Variants in LTBP1 observed in about 807,000 individuals in gnomAD.
LTBP1 encodes latent-transforming growth factor beta-binding protein 1.
Under a neutral mutation model 207.6 loss-of-function variants are expected in LTBP1, and 129 were observed. The observed-to-expected ratio is 0.62, with a 90% CI of 0.54 to 0.72. LTBP1 has a LOEUF of 0.72. LTBP1 is among the 30% of genes least tolerant of loss of function. The pLI, the probability that LTBP1 is intolerant of heterozygous loss-of-function variation, is 0.00. For missense variants in LTBP1, 2,281 were observed against 2,217.2 expected (o/e 1.03, Z -0.58); for synonymous variants, 963 against 833.7 (o/e 1.16, Z -2.67).
At chr2:32,977,775 G>A (rs142764084) in intron 2 of LTBP1, among the ~76,000 whole-genome samples, 2 of 152,152 alleles carry the variant, frequency 1.3e-5, no homozygotes, top group African/African-American at 4.8e-5. Flanking sequence ...AGGCTCCTGC[G>A]CAGCTTCACT....
chr2:33,307,085 C>CAAAAAAAAAAAAAA (rs1291775472), intron 22 of LTBP1, among the ~76,000 whole-genome samples: 1 of 151,714 alleles, frequency 6.6e-6, no homozygotes, highest in Non-Finnish European at 1.5e-5. Flanking sequence ...GACTCCATCT[C>CAAAAAAAAAAAAAA]AAAAACAAAA....
chr2:33,135,874 C>T (rs1477431282), intron 5 of LTBP1, among the ~76,000 whole-genome samples: 1 of 152,106 alleles, frequency 6.6e-6, no homozygotes, highest in Non-Finnish European at 1.5e-5. Context: ...CTGAGTTACT[C>T]ACAAGAATAA....
chr2:33,215,974 A>G (rs925495260), intron 7 of LTBP1, among the ~76,000 whole-genome samples: 4 of 152,044 alleles, frequency 2.6e-5, no homozygotes, highest in Non-Finnish European at 4.4e-5. Context: ...CGGCCTCCCA[A>G]AGTGCTGGGA....
intron 3 of LTBP1, among the ~76,000 whole-genome samples, chr2:33,079,403 G>T (rs905891935): frequency 6.6e-6 from 1 of 152,200 alleles, no homozygotes; most frequent in Non-Finnish European, 1.5e-5. Context: ...CAGCAGATGG[G>T]ATATAGCAAT....
intron 3 of LTBP1, among the ~76,000 whole-genome samples, chr2:33,067,756 C>T (rs2077592840): frequency 6.6e-6 from 1 of 152,040 alleles, no homozygotes; most frequent in Non-Finnish European, 1.5e-5. Context: ...ACTGGAATAT[C>T]CACAGTTTTT....
chr2:33,022,951 G>A (rs1237629065), intron 3 of LTBP1, among the ~76,000 whole-genome samples: 1 of 151,972 alleles, frequency 6.6e-6, no homozygotes, highest in Non-Finnish European at 1.5e-5. Flanking sequence ...TAACTTCTGG[G>A]CCATAGGAAA....
chr2:33,150,690 CTTTTTTCTTTTTTCTTTTTCTTTTTT>C (rs1295251858), intron 5 of LTBP1, among the ~76,000 whole-genome samples: 4 of 116,798 alleles, frequency 3.4e-5, no homozygotes, highest in Non-Finnish European at 7.5e-5. Context: ...GCTTTCTTTT[CTTTTTTCTTTTTTCTTTTTCTTTTTT>C]TTTTTTTTTT....
At chr2:33,273,150 C>T (rs1304202604) in intron 15 of LTBP1, among the ~76,000 whole-genome samples, 1 of 152,092 alleles carries the variant, frequency 6.6e-6, no homozygotes, top group African/African-American at 2.4e-5. Context: ...AGTGGGAGGT[C>T]TTTGGGGGGA....
Position 33,134,917 on chromosome 2 carries a change from T to C in LTBP1, c.1158T>C (p.Asn386=). 1 of 1,613,890 alleles carries C rather than the reference T, an allele frequency of 6.2e-7. No homozygotes were observed. Among genetic ancestry groups the C allele is most frequent in the Non-Finnish European group, 8.5e-7 (1 of 1,179,928 alleles). ...KGNTTTLISE[N]GHAADTLTAT... ...ACACCACCACTCTCATTAGTGAGAA[T>C]GGTCATGCTGCCGACACCCTGACGG... is the stretch of plus-strand genomic sequence containing the variant. Residue 386 remains asparagine (N), a synonymous_variant, in exon 5 of 34, where the codon AAT becomes AAC. Transcript: ENST00000404816. This position sits in a 1 kb window ranked among gnomAD's most constrained non-coding sequence, Gnocchi z 4.4.
intron 3 of LTBP1, among the ~76,000 whole-genome samples, chr2:33,092,909 A>G (rs746853791): frequency 9.2e-5 from 14 of 152,312 alleles, no homozygotes; most frequent in Non-Finnish European, 1.9e-4. Context: ...TTTATTATAC[A>G]AATCCCACCT....
At chr2:33,047,699 A>G (rs1300444927) in intron 3 of LTBP1, among the ~76,000 whole-genome samples, 3 of 152,148 alleles carry the variant, frequency 2.0e-5, no homozygotes, top group Non-Finnish European at 4.4e-5. Context: ...TGATCTGACT[A>G]ATATTGACAG....
At chr2:33,374,537 A>G (rs1353524410) in intron 31 of LTBP1, among the ~76,000 whole-genome samples, 1 of 152,240 alleles carries the variant, frequency 6.6e-6, no homozygotes, top group African/African-American at 2.4e-5. Flanking sequence ...ATGCGGGCAC[A>G]GAGAATATCT....
At chr2:33,204,488 G>A (rs2089666520) in intron 7 of LTBP1, among the ~76,000 whole-genome samples, 1 of 152,208 alleles carries the variant, frequency 6.6e-6, no homozygotes, top group South Asian at 2.1e-4. Flanking sequence ...TCACTTTGCA[G>A]AAGACTGGTT....
At chr2:33,192,618 G>C (rs921411087) in intron 7 of LTBP1, among the ~76,000 whole-genome samples, 1 of 152,048 alleles carries the variant, frequency 6.6e-6, no homozygotes, top group African/African-American at 2.4e-5. Context: ...ATTAAATCTT[G>C]ATTTTTTAAA....
chr2:33,330,482 T>G (rs1394853325), intron 24 of LTBP1, among the ~76,000 whole-genome samples: 1 of 148,470 alleles, frequency 6.7e-6, no homozygotes, highest in Non-Finnish European at 1.5e-5. Flanking sequence ...TTGCCATAGG[T>G]TTTTTTTTTC....
intron 3 of LTBP1, among the ~76,000 whole-genome samples, chr2:33,073,199 A>T (rs888318947): frequency 6.6e-6 from 1 of 152,046 alleles, no homozygotes; most frequent in African/African-American, 2.4e-5. Flanking sequence ...AATTGTAGAC[A>T]TTTTTTACCA....
Position 33,250,102 on chromosome 2 carries a change from C to T in LTBP1, c.2000-2575C>T, listed in dbSNP as rs747720226. On this transcript the variant is annotated intron_variant, in intron 10 of 33. Transcript: ENST00000404816. ...GGGTAGCATATTGTTTCTGGGTTTA[C>T]GCATCATATTGACCGGAGTGTGAAA... 2.6e-5 allele frequency among the ~76,000 whole-genome samples: 4 copies of T among 152,186 alleles called. No homozygotes were observed. The East Asian group carries it at 5.8e-4, about 22-fold the overall frequency.
At chr2:33,097,312 A>T (rs1026696654) in intron 3 of LTBP1, among the ~76,000 whole-genome samples, 1 of 152,240 alleles carries the variant, frequency 6.6e-6, no homozygotes, top group Non-Finnish European at 1.5e-5. Flanking sequence ...AGTGGATGAA[A>T]TAACATAACT....
intron 2 of LTBP1, among the ~76,000 whole-genome samples, chr2:32,950,146 T>TC (rs1163695305): frequency 6.6e-5 from 10 of 152,198 alleles, no homozygotes; most frequent in Non-Finnish European, 1.3e-4. Context: ...ATGTCCCCTC[T>TC]CCCCTCAGTA....
Sources: allele counts gnomAD v4.1 joint callset (sites outside exome capture counted in the v4.1 genomes callset), GRCh38; gene constraint gnomAD v4.1.1; non-coding constraint Gnocchi (gnomAD v3.1); transcripts MANE v1.5; gene names NCBI Gene and HGNC (gene_info 2026-07-23, HGNC 2026-07-21).